The following CACNB2 variants were observed in gnomAD, a reference collection of about 807,000 sequenced individuals.
CACNB2 encodes the protein calcium voltage-gated channel auxiliary subunit beta 2.
In CACNB2, 42 loss-of-function variants were observed where a neutral mutation model predicts 73.3. The ratio of observed to expected loss-of-function variants is 0.57; its 90% CI spans 0.45 to 0.74. The LOEUF is 0.74. CACNB2 is among the 30% of genes least tolerant of loss of function. The pLI is 0.00. For synonymous variants in CACNB2, 348 were observed against 310.3 expected (o/e 1.12, Z -1.28); for missense variants, 940 against 853.0 (o/e 1.10, Z -1.27).
intron 6 of CACNB2, among the ~76,000 whole-genome samples, chr10:18,509,986 A>G (rs1390819425): frequency 6.6e-6 from 1 of 152,256 alleles, no homozygotes; most frequent in Non-Finnish European, 1.5e-5. Context: ...TCTCATTAAA[A>G]GGAGAACCAT....
At chr10:18,323,951 T>C (rs529981341) in intron 2 of CACNB2, among the ~76,000 whole-genome samples, 13 of 152,338 alleles carry the variant, frequency 8.5e-5, no homozygotes, top group Admixed American at 2.6e-4. Context: ...GAAAATGGCA[T>C]GTTATATTCC....
chr10:18,299,067 T>TAAAAA (rs71402154), intron 2 of CACNB2, among the ~76,000 whole-genome samples: 2 of 120,934 alleles, frequency 1.7e-5, no homozygotes, highest in African/African-American at 6.7e-5. Context: ...TAAAGTATAC[T>TAAAAA]AAAAAAAAAA....
intron 10 of CACNB2, among the ~76,000 whole-genome samples, chr10:18,529,457 GC>G (rs2052783933): frequency 1.3e-5 from 2 of 152,212 alleles, no homozygotes; most frequent in African/African-American, 4.8e-5. Flanking sequence ...AAGTGGTCGA[GC>G]CATGAACTGG....
At chr10:18,299,114 TAAAATAA>T (rs2039404399) in intron 2 of CACNB2, among the ~76,000 whole-genome samples, 2 of 128,610 alleles carry the variant, frequency 1.6e-5, no homozygotes, top group Non-Finnish European at 3.4e-5. Context: ...AAGAAAAAAA[TAAAATAA>T]AAAAAGAAAA....
rs1445836944 is a variant in CACNB2, at chr10:18,534,131, G to A, written c.1110G>A (p.Leu370=). The A allele has an allele frequency of 1.4e-5, 22 of 1,613,904 alleles. No homozygotes were observed. Among genetic ancestry groups the A allele is most frequent in the Non-Finnish European group, 1.9e-5 (22 of 1,179,782 alleles). ...TTGAACTTGCAAGAACATTGCAGTT[G>A]GTGGTCCTTGACGCGGATACAATTA... The part of the protein sequence containing the change: ...RIFELARTLQ[L]VVLDADTINH... Residue 370 remains leucine (L), a synonymous_variant, in exon 11 of 14, where the codon TTG becomes TTA. Coordinates refer to ENST00000324631, the MANE Select transcript of CACNB2 (RefSeq NM_201596.3).
intron 11 of CACNB2, among the ~76,000 whole-genome samples, chr10:18,534,883 C>T (rs138884827): frequency 3.9e-5 from 6 of 152,316 alleles, no homozygotes; most frequent in Admixed American, 3.9e-4. Context: ...CTTATTCCGA[C>T]TTGGTGTAGC....
At chr10:18,260,863 C>A in intron 2 of CACNB2, 1 of 1,084,818 alleles carries the variant, frequency 9.2e-7, no homozygotes, top group East Asian at 6.8e-5. Context: ...AAATGCAAGA[C>A]ACTCAGATGT....
Position 18,518,347 on chromosome 10 carries a change from T to A in CACNB2, c.816T>A (p.Thr272=). 6.2e-7 allele frequency: 1 copy of A among 1,612,680 alleles called. No homozygotes were observed. The highest frequency in any genetic ancestry group is 8.5e-7 in the Non-Finnish European group (1 of 1,178,726). ...TCCTCTCTCTGCAGACAGAGCACAC[T>A]CCTCCGTATGATGTGGTACCTTCCA... ...RMPFFKKTEH[T]PPYDVVPSMR... is the part of the protein sequence containing the mutation. Residue 272 remains threonine (T), a synonymous_variant, in exon 8 of 14, where the codon ACT becomes ACA. Coordinates refer to ENST00000324631, the MANE Select transcript of CACNB2 (RefSeq NM_201596.3).
At chr10:18,443,586 T>C (rs77378663) in intron 3 of CACNB2, among the ~76,000 whole-genome samples, 4,373 of 152,262 alleles carry the variant, frequency 0.029, 77 homozygotes, top group East Asian at 0.093. Context: ...TGAGCAAATA[T>C]TGTTCTCCAG....
chr10:18,236,287 C>T lies in CACNB2; in HGVS notation c.213+85312C>T, dbSNP rs181642342. Among the ~76,000 whole-genome samples the T allele has an allele frequency of 3.9e-4, 60 of 152,304 alleles. No individual in the cohort carries two copies. In the East Asian group the frequency reaches 9.3e-3, roughly 24 times the overall value. ...CAGAGACATTCGCCATTGGTTAAAA[C>T]CAAACACAGAGGCACGATCGGCTGC... On this transcript the variant is annotated intron_variant, in intron 2 of 13. Transcript: ENST00000324631.
intron 3 of CACNB2, among the ~76,000 whole-genome samples, chr10:18,462,050 G>A (rs1264469746): frequency 2.0e-5 from 3 of 152,038 alleles, no homozygotes; most frequent in African/African-American, 4.8e-5. Context: ...CTAGAGAATC[G>A]GTACTGTGTT....
intron 2 of CACNB2, among the ~76,000 whole-genome samples, chr10:18,306,173 G>A (rs2039720094): frequency 6.6e-6 from 1 of 152,156 alleles, no homozygotes; most frequent in African/African-American, 2.4e-5. Flanking sequence ...GTCAGGCACA[G>A]ATGCAGTGAG....
At chr10:18,164,216 T>A (rs139113254) in intron 2 of CACNB2, among the ~76,000 whole-genome samples, 15 of 152,316 alleles carry the variant, frequency 9.8e-5, no homozygotes, top group Non-Finnish European at 2.1e-4. Flanking sequence ...CAGACAGCTG[T>A]TTATCTTAAG....
At chr10:18,181,451 AT>A (rs1276294542) in intron 2 of CACNB2, among the ~76,000 whole-genome samples, 1 of 152,142 alleles carries the variant, frequency 6.6e-6, no homozygotes, top group Non-Finnish European at 1.5e-5. Context: ...ACCCTTCCTT[AT>A]AGAAGTCTGC....
intron 2 of CACNB2, among the ~76,000 whole-genome samples, chr10:18,390,940 T>C (rs945252981): frequency 1.3e-5 from 2 of 152,220 alleles, no homozygotes; most frequent in Non-Finnish European, 2.9e-5. Context: ...ACTGGTACTT[T>C]TAGGATTGGA....
At chr10:18,482,773 A>C (rs1202631714) in intron 3 of CACNB2, among the ~76,000 whole-genome samples, 1 of 151,992 alleles carries the variant, frequency 6.6e-6, no homozygotes, top group Non-Finnish European at 1.5e-5. Flanking sequence ...CACCCTCCCA[A>C]AGTGCTGGGA....
At chr10:18,428,180 A>G (rs545657756) in intron 3 of CACNB2, among the ~76,000 whole-genome samples, 5 of 152,236 alleles carry the variant, frequency 3.3e-5, no homozygotes, top group East Asian at 3.9e-4. Context: ...CTCTGATTTC[A>G]GGTTTGTACA....
At chr10:18,249,399 A>AG (rs2036997552) in intron 2 of CACNB2, among the ~76,000 whole-genome samples, 1 of 152,062 alleles carries the variant, frequency 6.6e-6, no homozygotes, top group African/African-American at 2.4e-5. Context: ...AGAAAAAAAA[A>AG]TGTCTTATTC....
chr10:18,408,442 T>C (rs1347150601), intron 3 of CACNB2, among the ~76,000 whole-genome samples: 2 of 152,006 alleles, frequency 1.3e-5, no homozygotes, highest in African/African-American at 4.8e-5. Flanking sequence ...TTTCACCATG[T>C]TGGCCAGGCT....
Sources: allele counts gnomAD v4.1 joint callset (sites outside exome capture counted in the v4.1 genomes callset), GRCh38; gene constraint gnomAD v4.1.1; transcripts MANE v1.5; gene names NCBI Gene and HGNC (gene_info 2026-07-23, HGNC 2026-07-21).